CCSER1: variants seen among roughly 807,000 people sequenced by gnomAD.
CCSER1 encodes serine-rich coiled-coil domain-containing protein 1.
A neutral mutation model predicts 82.0 loss-of-function variants in CCSER1; 41 were observed. The observed-to-expected ratio is 0.50, with a 90% CI of 0.39 to 0.65. The LOEUF is 0.65. Ranked by LOEUF, CCSER1 falls within the 30% of genes least tolerant of loss-of-function variation. The pLI is 0.00. For missense variants in CCSER1, 1,119 were observed against 1,064.2 expected, an observed-to-expected ratio of 1.05 and a Z score of -0.72; for synonymous variants, 414 against 383.9, an observed-to-expected ratio of 1.08 and a Z score of -0.92.
chr4:91,174,427 C>A (rs1256765775), intron 10 of CCSER1, among the ~76,000 whole-genome samples: 1 of 151,968 alleles, frequency 6.6e-6, no homozygotes, highest in African/African-American at 2.4e-5. Flanking sequence ...TTTTGATGGA[C>A]AAACATTTTT....
At chr4:91,577,319 CAGA>C (rs908558759) in intron 10 of CCSER1, among the ~76,000 whole-genome samples, 4 of 151,858 alleles carry the variant, frequency 2.6e-5, no homozygotes, top group South Asian at 2.1e-4. Context: ...TGAAAGTGCT[CAGA>C]AGAAGAAGGG....
intron 10 of CCSER1, among the ~76,000 whole-genome samples, chr4:91,292,787 G>A (rs1743854743): frequency 6.6e-6 from 1 of 151,902 alleles, no homozygotes; most frequent in Non-Finnish European, 1.5e-5. Context: ...AAAGTCAGGA[G>A]GTGAATCATT....
At chr4:90,562,401 C>A (rs1393924186) in intron 5 of CCSER1, among the ~76,000 whole-genome samples, 8 of 151,942 alleles carry the variant, frequency 5.3e-5, no homozygotes, top group African/African-American at 1.9e-4. Flanking sequence ...ATATGTAGAG[C>A]AGATTAAAAA....
At chr4:90,250,078 T>A (rs974903405) in intron 1 of CCSER1, among the ~76,000 whole-genome samples, 8 of 152,084 alleles carry the variant, frequency 5.3e-5, no homozygotes, top group African/African-American at 9.7e-5. Context: ...TTGCCTTTTT[T>A]AAAAAAATTG....
At chr4:90,633,742 A>G (rs1183499225) in intron 6 of CCSER1, among the ~76,000 whole-genome samples, 2 of 151,968 alleles carry the variant, frequency 1.3e-5, no homozygotes, top group Non-Finnish European at 2.9e-5. Context: ...GGCTGAGCTT[A>G]CCGTTTTCCT....
intron 8 of CCSER1, among the ~76,000 whole-genome samples, chr4:90,899,344 A>G (rs1430974219): frequency 6.6e-6 from 1 of 151,960 alleles, no homozygotes; most frequent in Non-Finnish European, 1.5e-5. Context: ...AGGTCTAGGC[A>G]TTTTTTGGAG....
At chr4:90,915,286 A>T (rs953173279) in intron 8 of CCSER1, among the ~76,000 whole-genome samples, 1 of 152,184 alleles carries the variant, frequency 6.6e-6, no homozygotes, top group Non-Finnish European at 1.5e-5. Context: ...GGCAATCTGA[A>T]TCCAGCAACA....
At chr4:90,498,113 T>C (rs1769310897) in intron 5 of CCSER1, among the ~76,000 whole-genome samples, 1 of 152,150 alleles carries the variant, frequency 6.6e-6, no homozygotes, top group African/African-American at 2.4e-5. Context: ...CCTGAAACCA[T>C]TGTTCATATC....
At position 91,598,861 on chromosome 4, in the gene CCSER1, C is replaced by G; in HGVS notation, c.2507C>G (p.Thr836Arg). ...AGCTCTCTGAAGCCAACAGCTAAGA[C>G]AGAAGGGCTCTCCACGTTCTTAGAG... is the stretch of plus-strand genomic sequence containing the variant. ...GQSSLKPTAK[T>R]EGLSTFLEKP... Residue 836 changes from threonine (T) to arginine (R), a missense_variant, in exon 11 of 11, where the codon ACA (threonine) becomes AGA (arginine). By Grantham distance (71) the Thr-to-Arg change is moderately conservative (BLOSUM62 -1). Coordinates refer to ENST00000509176, the MANE Select transcript of CCSER1 (RefSeq NM_001145065.2). The G allele has an allele frequency of 6.4e-7, 1 of 1,551,650 alleles. No individual in the cohort carries two copies. Among genetic ancestry groups the G allele is most frequent in the Non-Finnish European group, 8.7e-7 (1 of 1,146,944 alleles).
chr4:90,988,872 G>A (rs1044069091), intron 9 of CCSER1, among the ~76,000 whole-genome samples: 1 of 151,594 alleles, frequency 6.6e-6, no homozygotes, highest in Admixed American at 6.6e-5. Context: ...TGTTTTGTGG[G>A]GTTTTTTATT....
At chr4:90,854,056 T>A (rs572862643) in intron 8 of CCSER1, among the ~76,000 whole-genome samples, 2 of 152,178 alleles carry the variant, frequency 1.3e-5, no homozygotes, top group Non-Finnish European at 2.9e-5. Flanking sequence ...TGAATTATCA[T>A]TTATTTCAGT....
At chr4:90,752,089 C>A (rs1211040553) in intron 7 of CCSER1, among the ~76,000 whole-genome samples, 1 of 152,026 alleles carries the variant, frequency 6.6e-6, no homozygotes, top group South Asian at 2.1e-4. Context: ...ACTTCCAATG[C>A]GCTAGACACA....
chr4:90,633,870 A>G (rs1410463017), intron 6 of CCSER1, among the ~76,000 whole-genome samples: 1 of 151,730 alleles, frequency 6.6e-6, no homozygotes, highest in East Asian at 1.9e-4. Flanking sequence ...GTTTCTTTTT[A>G]TTAAAATGCA....
At chr4:90,247,265 T>C (rs1721588869) in intron 1 of CCSER1, among the ~76,000 whole-genome samples, 2 of 152,172 alleles carry the variant, frequency 1.3e-5, no homozygotes, top group South Asian at 4.1e-4. Flanking sequence ...CTCCATCCCA[T>C]AGCAAACATT....
chr4:91,589,600 T>C (rs1436291176), intron 10 of CCSER1, among the ~76,000 whole-genome samples: 1 of 150,864 alleles, frequency 6.6e-6, no homozygotes, highest in Non-Finnish European at 1.5e-5. Flanking sequence ...TGTTTTGCTA[T>C]ACTAAGCCAC....
chr4:91,080,779 C>CT (rs1722621101), intron 9 of CCSER1, among the ~76,000 whole-genome samples: 2 of 152,172 alleles, frequency 1.3e-5, no homozygotes, highest in Non-Finnish European at 2.9e-5. Flanking sequence ...TCAGAGAATA[C>CT]TATAAACACC....
chr4:91,167,965 G>C (rs1311763552), intron 10 of CCSER1, among the ~76,000 whole-genome samples: 1 of 149,246 alleles, frequency 6.7e-6, no homozygotes, highest in Non-Finnish European at 1.5e-5. Context: ...CGTCTGGGAA[G>C]TGGGGAGCGC....
intron 9 of CCSER1, among the ~76,000 whole-genome samples, chr4:90,931,939 G>T (rs1174877316): frequency 6.6e-6 from 1 of 152,158 alleles, no homozygotes; most frequent in African/African-American, 2.4e-5. Flanking sequence ...AAATAAAACT[G>T]TAAAGGGATT....
chr4:90,447,210 GTATT>G (rs1760777225), intron 4 of CCSER1, among the ~76,000 whole-genome samples: 1 of 151,802 alleles, frequency 6.6e-6, no homozygotes, highest in African/African-American at 2.4e-5. Context: ...GTCCTTTTTT[GTATT>G]TATTTAATAA....
Sources: allele counts gnomAD v4.1 joint callset (sites outside exome capture counted in the v4.1 genomes callset), GRCh38; gene constraint gnomAD v4.1.1; transcripts MANE v1.5; gene names NCBI Gene and HGNC (gene_info 2026-07-23, HGNC 2026-07-21).